Variants in CXCR2 observed in about 807,000 individuals in gnomAD.
CXCR2 encodes C-X-C motif chemokine receptor 2, also known as C-X-C chemokine receptor type 2.
CXCR2 carries 2 observed loss-of-function variants against 3.7 expected under a neutral mutation model. That is an observed-to-expected ratio of 0.55 (90% confidence interval 0.22 to 1.72). The LOEUF (loss-of-function observed/expected upper bound fraction) is 1.72, where lower values mean the gene tolerates loss of function less well. CXCR2 is among the 40% of genes most tolerant of loss of function. The pLI is 0.19. For missense variants in CXCR2, 351 were observed against 450.1 expected, an observed-to-expected ratio of 0.78 and a Z score of 1.99; for synonymous variants, 203 against 193.3, an observed-to-expected ratio of 1.05 and a Z score of -0.41.
Position 218,136,429 on chromosome 2 carries a change from C to T in CXCR2, c.*545C>T, listed in dbSNP as rs1690810622. 4.7e-5 allele frequency: 8 copies of T among 168,928 alleles called. No individual in the cohort carries two copies. The allele number at this position is 168,928 out of a possible 1,614,324, so 10.5% of individuals were successfully genotyped here. A position where few individuals can be genotyped will look rare whatever the true frequency, so the allele number is the denominator to read the frequency against. ...AGCCTGAGCGACAGTGAGACTCTGT[C>T]TCAGTCCATGAAGATGTAGAGGAGA... On this transcript the variant is annotated 3_prime_UTR_variant, in exon 3 of 3. Transcript: ENST00000318507.
intron 2 of CXCR2, chr2:218,131,025 T>C (rs1017040363): frequency 1.3e-5 from 2 of 152,422 alleles, no homozygotes; most frequent in East Asian, 3.9e-4. Flanking sequence ...CTGTGAAACA[T>C]GCTCTGCCAC....
chr2:218,129,874 T>A (rs1426084786), intron 2 of CXCR2, among the ~76,000 whole-genome samples: 2 of 152,214 alleles, frequency 1.3e-5, no homozygotes, highest in Non-Finnish European at 2.9e-5. Context: ...CATGCCATCA[T>A]CTATGGAGTT....
intron 1 of CXCR2, among the ~76,000 whole-genome samples, 185 bp downstream of exon 1, chr2:218,126,538 TC>T (rs1239315956): frequency 1.4e-4 from 22 of 152,338 alleles, no homozygotes; most frequent in African/African-American, 4.8e-4. Context: ...AATAGAAATG[TC>T]CTAGACCTGC....
At chr2:218,131,359 C>G (rs959783630) in intron 2 of CXCR2, among the ~76,000 whole-genome samples, 5 of 152,192 alleles carry the variant, frequency 3.3e-5, no homozygotes, top group Admixed American at 2.0e-4. Flanking sequence ...ACTGGTCCAG[C>G]AAGCTGTATT....
intron 2 of CXCR2, among the ~76,000 whole-genome samples, chr2:218,132,725 G>A (rs1210992094): frequency 1.3e-5 from 2 of 152,168 alleles, no homozygotes; most frequent in African/African-American, 2.4e-5. Flanking sequence ...GACCACTGTG[G>A]TATTTGTGAT....
chr2:218,131,636 A>G (rs1269181009), intron 2 of CXCR2, among the ~76,000 whole-genome samples: 1 of 151,608 alleles, frequency 6.6e-6, no homozygotes, highest in Non-Finnish European at 1.5e-5. Context: ...CGCCCAGCTA[A>G]TTTTTTGTAT....
intron 2 of CXCR2, chr2:218,130,827 T>C (rs1434573177): frequency 6.6e-6 from 1 of 152,354 alleles, no homozygotes; most frequent in Non-Finnish European, 1.5e-5. Context: ...CTCCCTACCC[T>C]AGGAGCTGGA....
rs11384701 is a variant in CXCR2 at position 218,136,269 on chromosome 2, C to CA, written c.*400dup. 74,532 of 154,262 alleles carry CA rather than the reference C, an allele frequency of 0.48. 17,395 individuals are homozygous for CA. The highest frequency in any genetic ancestry group is 0.67 in the Middle Eastern group (187 of 278). 9.6% of individuals were successfully genotyped at this position (154,262 alleles called of 1,614,324 possible). A position where few individuals can be genotyped will look rare whatever the true frequency, so the allele number is the denominator to read the frequency against. On this transcript the variant is annotated 3_prime_UTR_variant, in exon 3 of 3. Coordinates refer to ENST00000318507, the MANE Select transcript of CXCR2 (RefSeq NM_001557.4). ...TGAAACCCTGTCTCTACTAAAAATA[C>CA]AAAAAAAAAAAAAAATTAGCCGGGC...
At position 218,137,155 on chromosome 2, in the gene CXCR2, T is replaced by C. The variant is rs993940227; in HGVS notation, c.*1271T>C. ...CAAAAGGTATTTTAATCACCAAGGC[T>C]GATTAAACCAAGGCTAGAACCACCT... is the stretch of plus-strand genomic sequence containing the variant. On this transcript the variant is annotated 3_prime_UTR_variant, in exon 3 of 3. Transcript: ENST00000318507. 6.0e-6 allele frequency: 1 copy of C among 167,210 alleles called. No individual in the cohort carries two copies. Among genetic ancestry groups the C allele is most frequent in the Admixed American group, 6.5e-5 (1 of 15,278 alleles). 10.4% of individuals were successfully genotyped at this position (167,210 alleles called of 1,614,324 possible). A position where few individuals can be genotyped will look rare whatever the true frequency, so the allele number is the denominator to read the frequency against.
chr2:218,135,733 C>A lies in CXCR2; in HGVS notation c.932C>A (p.Pro311His). The A allele has an allele frequency of 6.2e-7, 1 of 1,614,082 alleles. No homozygotes were observed. Among genetic ancestry groups the A allele is most frequent in the Non-Finnish European group, 8.5e-7 (1 of 1,180,008 alleles). ...GGCATCCTTCACAGCTGCCTCAACC[C>A]CCTCATCTACGCCTTCATTGGCCAG... ...ILGILHSCLN[P>H]LIYAFIGQKF... Residue 311 changes from proline (P) to histidine (H), a missense_variant, in exon 3 of 3, where the codon CCC (proline) becomes CAC (histidine). Transcript: ENST00000318507. This position sits in a 1 kb window ranked among gnomAD's most constrained non-coding sequence, Gnocchi z 4.0.
intron 2 of CXCR2, among the ~76,000 whole-genome samples, chr2:218,133,806 C>G (rs1420667980): frequency 6.6e-6 from 1 of 152,234 alleles, no homozygotes; most frequent in Non-Finnish European, 1.5e-5. Context: ...AGTGCAAACC[C>G]TGTCTTCTCT....
Position 218,135,828 on chromosome 2 carries a change from G to A in CXCR2, c.1027G>A (p.Asp343Asn). 6.2e-7 allele frequency: 1 copy of A among 1,614,094 alleles called. No homozygotes were observed. The highest frequency in any genetic ancestry group is 8.5e-7 in the Non-Finnish European group (1 of 1,179,994). Reference sequence around the variant, plus strand: ...GATCAGCAAGGACTCCCTGCCCAAAGACAGCAGGCCTTCCTTTGTTGGCTC... The same window carrying A: ...GATCAGCAAGGACTCCCTGCCCAAAAACAGCAGGCCTTCCTTTGTTGGCTC... ...GLISKDSLPK[D>N]SRPSFVGSSS... The change falls in exon 3 of 3, where the codon GAC becomes AAC. Residue 343 changes from aspartate to asparagine, a missense_variant. Asp to Asn is a conservative substitution (Grantham distance 23, BLOSUM62 1). Coordinates refer to ENST00000318507, the MANE Select transcript of CXCR2 (RefSeq NM_001557.4). This position sits in a 1 kb window ranked among gnomAD's most constrained non-coding sequence, Gnocchi z 4.0.
Position 218,135,833 on chromosome 2 carries a change from C to T in CXCR2, c.1032C>T (p.Ser344=). 5 of 1,613,856 alleles carry T rather than the reference C, an allele frequency of 3.1e-6. No individual in the cohort carries two copies. The highest frequency in any genetic ancestry group is 4.2e-6 in the Non-Finnish European group (5 of 1,179,844). The change falls in exon 3 of 3, where the codon AGC becomes AGT. Residue 344 remains serine (S), a synonymous_variant. Transcript: ENST00000318507. This position sits in a 1 kb window ranked among gnomAD's most constrained non-coding sequence, Gnocchi z 4.0. ...GCAAGGACTCCCTGCCCAAAGACAG[C>T]AGGCCTTCCTTTGTTGGCTCTTCTT... ...LISKDSLPKD[S]RPSFVGSSSG...
intron 2 of CXCR2, among the ~76,000 whole-genome samples, chr2:218,130,430 A>G (rs1019472715): frequency 2.6e-5 from 4 of 152,220 alleles, no homozygotes; most frequent in Admixed American, 2.0e-4. Flanking sequence ...AAAAGAAAAA[A>G]AGAAAGAAAA....
chr2:218,127,344 C>G (rs1411938262), intron 1 of CXCR2, among the ~76,000 whole-genome samples: 2 of 152,096 alleles, frequency 1.3e-5, no homozygotes, highest in Admixed American at 1.3e-4. Context: ...CCAGGCTGTT[C>G]TGTAACTCCT....
intron 1 of CXCR2, among the ~76,000 whole-genome samples, chr2:218,129,012 T>C (rs1373481316): frequency 6.6e-6 from 1 of 152,154 alleles, no homozygotes; most frequent in Non-Finnish European, 1.5e-5. Context: ...AGCCAGCGGC[T>C]CTGAGATACA....
chr2:218,125,476 T>G (rs1401922876), upstream of CXCR2: 1 of 151,928 alleles, frequency 6.6e-6, no homozygotes. Flanking sequence ...GAAAAAAAAA[T>G]TATAGTGTGA....
intron 2 of CXCR2, among the ~76,000 whole-genome samples, chr2:218,131,535 T>C (rs1690646440): frequency 6.7e-6 from 1 of 148,848 alleles, no homozygotes; most frequent in Non-Finnish European, 1.5e-5. Flanking sequence ...AGTGGCGCCA[T>C]CTCGGCTCAC....
intron 1 of CXCR2, among the ~76,000 whole-genome samples, chr2:218,128,407 T>C (rs528837347): frequency 2.6e-5 from 4 of 152,330 alleles, no homozygotes; most frequent in African/African-American, 9.6e-5. Context: ...GGCCCTGGGA[T>C]GCATGGAGCA....
Sources: allele counts gnomAD v4.1 joint callset (sites outside exome capture counted in the v4.1 genomes callset), GRCh38; gene constraint gnomAD v4.1.1; non-coding constraint Gnocchi (gnomAD v3.1); transcripts MANE v1.5; gene names NCBI Gene and HGNC (gene_info 2026-07-23, HGNC 2026-07-21).